The following MOB1B variants were observed in gnomAD, a reference collection of about 807,000 sequenced individuals.
The protein encoded by MOB1B is MOB1 Mps One Binder homolog B.
MOB1B carries 19 observed loss-of-function variants against 24.4 expected under a neutral mutation model. The observed-to-expected ratio is 0.78, with a 90% CI of 0.54 to 1.14. The LOEUF (loss-of-function observed/expected upper bound fraction) is 1.14, where lower values mean the gene tolerates loss of function less well. Ranked by LOEUF, MOB1B falls within the 50% of genes most tolerant of loss-of-function variation. MOB1B has a pLI of 0.00. For synonymous variants in MOB1B, 76 were observed against 82.1 expected (o/e 0.93, Z 0.40); for missense variants, 243 against 259.6 (o/e 0.94, Z 0.44).
intron 5 of MOB1B, among the ~76,000 whole-genome samples, chr4:70,980,145 A>T (rs1408369788): frequency 6.6e-6 from 1 of 152,152 alleles, no homozygotes; most frequent in African/African-American, 2.4e-5. Flanking sequence ...ATTTGTATCC[A>T]TCTTCCCCCT....
At chr4:70,950,898 C>A in intron 1 of MOB1B, 2 of 773,098 alleles carry the variant, frequency 2.6e-6, no homozygotes, top group Non-Finnish European at 4.4e-6. Flanking sequence ...ATTATTATCT[C>A]CATTTTGTAG....
At chr4:70,971,228 C>A (rs1429019975) in intron 3 of MOB1B, among the ~76,000 whole-genome samples, 1 of 152,156 alleles carries the variant, frequency 6.6e-6, no homozygotes, top group African/African-American at 2.4e-5. Flanking sequence ...TTAGGCTGGG[C>A]ATGGTGGCTC....
intron 1 of MOB1B, among the ~76,000 whole-genome samples, chr4:70,955,211 C>T (rs1370617556): frequency 6.6e-6 from 1 of 152,108 alleles, no homozygotes; most frequent in African/African-American, 2.4e-5. Context: ...AGGTGAGGCT[C>T]GGACTTACCT....
chr4:70,938,854 C>G (rs915424515), intron 1 of MOB1B, among the ~76,000 whole-genome samples: 7 of 150,942 alleles, frequency 4.6e-5, no homozygotes, highest in Middle Eastern at 3.4e-3. Flanking sequence ...CTTGGCTCAC[C>G]ACAGCCTCTA....
chr4:70,968,788 T>G (rs188639150), intron 2 of MOB1B, among the ~76,000 whole-genome samples: 1 of 152,196 alleles, frequency 6.6e-6, no homozygotes, highest in East Asian at 1.9e-4. Flanking sequence ...CTTGGCTAAT[T>G]TTTAAAATAT....
intron 1 of MOB1B, among the ~76,000 whole-genome samples, chr4:70,909,704 C>T (rs1016278233): frequency 6.6e-6 from 1 of 151,818 alleles, no homozygotes; most frequent in African/African-American, 2.4e-5. Flanking sequence ...TCCTGGAAGT[C>T]TAGGTCCAGA....
intron 1 of MOB1B, among the ~76,000 whole-genome samples, chr4:70,933,542 CTTTTTTTTTTTT>C (rs34950388): frequency 1.1e-4 from 10 of 91,614 alleles, no homozygotes; most frequent in East Asian, 5.6e-4. Context: ...AAAAATAACT[CTTTTTTTTTTTT>C]TTTTTTTTTT....
intron 4 of MOB1B, among the ~76,000 whole-genome samples, chr4:70,977,109 C>T (rs1226375151): frequency 6.6e-6 from 1 of 151,982 alleles, no homozygotes. Context: ...GTACAGATAT[C>T]AAACTTAGGA....
chr4:70,958,070 G>A (rs904845326), intron 1 of MOB1B, among the ~76,000 whole-genome samples: 6 of 151,982 alleles, frequency 3.9e-5, no homozygotes, highest in African/African-American at 1.4e-4. Context: ...CCACACGAAT[G>A]TCTAGCTACT....
chr4:70,954,550 G>A (rs1395240846), intron 1 of MOB1B, among the ~76,000 whole-genome samples: 1 of 149,784 alleles, frequency 6.7e-6, no homozygotes, highest in Non-Finnish European at 1.5e-5. Context: ...CCGCCTCCTG[G>A]GTTCAAGCAA....
At chr4:70,906,983 T>G (rs2085421564) in intron 1 of MOB1B, among the ~76,000 whole-genome samples, 1 of 152,160 alleles carries the variant, frequency 6.6e-6, no homozygotes, top group Non-Finnish European at 1.5e-5. Flanking sequence ...TTAGGAAAGT[T>G]TCATGAAAGA....
intron 1 of MOB1B, among the ~76,000 whole-genome samples, chr4:70,910,444 T>C (rs1454188750): frequency 6.6e-6 from 1 of 151,732 alleles, no homozygotes. Context: ...CACATATGTA[T>C]GTATATATGT....
chr4:70,965,016 G>A (rs1452962135), intron 2 of MOB1B, among the ~76,000 whole-genome samples: 3 of 151,746 alleles, frequency 2.0e-5, no homozygotes, highest in African/African-American at 7.3e-5. Flanking sequence ...AAGGGAATTG[G>A]GCTCGGCGTG....
At position 70,987,777 on chromosome 4, in the gene MOB1B, G is replaced by A. The variant is rs1739425173; in HGVS notation, c.*5720G>A. 6.6e-6 allele frequency: 1 copy of A among 152,506 alleles called. No homozygotes were observed. 9.4% of individuals were successfully genotyped at this position (152,506 alleles called of 1,614,324 possible). ...AGTGCCAAGTAATGGAAGAATAAGG[G>A]CGGCATTTACACTGTGCAAGTATTG... On this transcript the variant is annotated 3_prime_UTR_variant, in exon 6 of 6. Coordinates refer to ENST00000309395, the MANE Select transcript of MOB1B (RefSeq NM_173468.4).
chr4:70,962,651 A>G (rs538242845), intron 2 of MOB1B, among the ~76,000 whole-genome samples: 2 of 152,274 alleles, frequency 1.3e-5, no homozygotes, highest in South Asian at 4.1e-4. Context: ...GAGTTTCTAC[A>G]TACAAAACCA....
At position 70,926,534 on chromosome 4, in the gene MOB1B, A is replaced by G. The variant is rs549033519; in HGVS notation, c.14+23984A>G. On this transcript the variant is annotated intron_variant, in intron 1 of 5. Transcript: ENST00000309395. ...ATAAACACTGTCATTATCTCCACTC[A>G]TGAAATTCCCAAGCCCAGTGTATAA... Among the ~76,000 whole-genome samples the G allele has an allele frequency of 1.5e-4, 23 of 152,326 alleles. 1 individual carries two copies. The South Asian group carries it at 4.6e-3, about 30-fold the overall frequency.
chr4:70,969,869 A>G, intron 2 of MOB1B, 62 bp from the exon 3 acceptor site: 2 of 942,128 alleles, frequency 2.1e-6, no homozygotes, highest in East Asian at 4.9e-5. Flanking sequence ...TTCAAGTACA[A>G]TTAAAATTTC....
intron 1 of MOB1B, among the ~76,000 whole-genome samples, chr4:70,932,809 C>T (rs1364210054): frequency 6.6e-6 from 1 of 152,120 alleles, no homozygotes; most frequent in Non-Finnish European, 1.5e-5. Context: ...GTTTTTGAAA[C>T]AATTTTGGTA....
chr4:70,945,994 A>G (rs995898285), intron 1 of MOB1B, among the ~76,000 whole-genome samples: 6 of 151,826 alleles, frequency 4.0e-5, no homozygotes, highest in Non-Finnish European at 8.8e-5. Context: ...TTTAATTTCA[A>G]AGCATTAAGA....
Sources: gnomAD v4.1 joint callset for allele counts (sites outside exome capture counted in the v4.1 genomes callset) on GRCh38, gnomAD v4.1.1 for gene constraint, MANE v1.5 for transcripts, NCBI Gene and HGNC (gene_info 2026-07-23, HGNC 2026-07-21) for gene names.